Variants in ZBTB37 observed in about 807,000 individuals in gnomAD.
ZBTB37 encodes zinc finger and BTB domain containing 37.
In ZBTB37, 15 loss-of-function variants were observed where a neutral mutation model predicts 37.7. The observed-to-expected ratio is 0.40, with a 90% confidence interval of 0.27 to 0.61. The LOEUF (loss-of-function observed/expected upper bound fraction) is 0.61. Among genes scored for constraint, ZBTB37 ranks in the 20% least tolerant of loss-of-function variants. The pLI, the probability that ZBTB37 is intolerant of heterozygous loss-of-function variation, is 0.44. For synonymous variants in ZBTB37, 231 were observed against 220.6 expected, an observed-to-expected ratio of 1.05 and a Z score of -0.42; for missense variants, 514 against 641.9, an observed-to-expected ratio of 0.80 and a Z score of 2.15.
At chr1:173,898,385 CG>C (rs1256012757) in exon 4 of ZBTB37, 1 of 148,704 alleles carries the variant, frequency 6.7e-6, no homozygotes, top group Non-Finnish European at 1.5e-5. Context: ...CGCTTGAACT[CG>C]GGAGGTGGAA....
chr1:173,870,678 G>A, exon 3 of ZBTB37: 1 of 1,614,186 alleles, frequency 6.2e-7, no homozygotes, highest in Non-Finnish European at 8.5e-7. Context: ...GACCTCCAGA[G>A]TCTCACAGGG....
At chr1:173,884,712 T>A (rs540423632) in intron 4 of ZBTB37, among the ~76,000 whole-genome samples, 1 of 152,372 alleles carries the variant, frequency 6.6e-6, no homozygotes, top group East Asian at 1.9e-4. Flanking sequence ...TTAATGATAA[T>A]GTCACAATTT....
chr1:173,870,234 A>C, exon 3 of ZBTB37: 9 of 1,606,868 alleles, frequency 5.6e-6, no homozygotes, highest in Non-Finnish European at 7.7e-6. Context: ...CCATGGAGAA[A>C]GGTGGGAACA....
At chr1:173,890,614 C>T (rs1656804682), downstream of ZBTB37, 1 of 152,096 alleles carries the variant, frequency 6.6e-6, no homozygotes, top group Non-Finnish European at 1.5e-5. Context: ...AAGCAACAAG[C>T]AATTGTCGGG....
intron 4 of ZBTB37, 184 bp downstream of exon 4, chr1:173,873,750 G>A: frequency 9.5e-7 from 1 of 1,054,194 alleles, no homozygotes; most frequent in Non-Finnish European, 1.3e-6. Context: ...GACATCACCA[G>A]AAAGGAAAAT....
At chr1:173,870,777 C>T (rs780322588) in exon 3 of ZBTB37, 1 of 1,614,222 alleles carries the variant, frequency 6.2e-7, no homozygotes, top group Non-Finnish European at 8.5e-7. Context: ...TGCTGGATAT[C>T]AGAGAGCTAA....
At chr1:173,885,528 A>G (rs1026028465) in intron 4 of ZBTB37, 108 bp from the exon 5 acceptor site, 47 of 960,946 alleles carry the variant, frequency 4.9e-5, no homozygotes, top group South Asian at 1.9e-5. Context: ...ATCCGCCACT[A>G]AAAAGGTACA....
At chr1:173,869,569 C>T (rs1011281792) in intron 2 of ZBTB37, among the ~76,000 whole-genome samples, 2 of 152,300 alleles carry the variant, frequency 1.3e-5, no homozygotes, top group East Asian at 1.9e-4. Context: ...TTCACATTCT[C>T]TGCATCTTGG....
intron 2 of ZBTB37, 53 bp from the exon 3 acceptor site, chr1:173,870,147 C>T: frequency 8.0e-7 from 1 of 1,249,400 alleles, no homozygotes; most frequent in Non-Finnish European, 1.1e-6. Context: ...TGGAAACCAT[C>T]CGGGAAGTAA....
chr1:173,889,169 ATGT>A (rs1417389180), downstream of ZBTB37: 2 of 152,218 alleles, frequency 1.3e-5, no homozygotes, highest in Non-Finnish European at 2.9e-5. Context: ...GTTAAAAGAG[ATGT>A]TGTTATTCTA....
chr1:173,877,121 A>T (rs1308705205), intron 4 of ZBTB37, among the ~76,000 whole-genome samples: 2 of 152,222 alleles, frequency 1.3e-5, no homozygotes, highest in African/African-American at 4.8e-5. Flanking sequence ...TTATAATCGT[A>T]TGGAAGCACG....
At chr1:173,896,942 A>T (rs1293220425) in exon 4 of ZBTB37, 5 of 152,244 alleles carry the variant, frequency 3.3e-5, no homozygotes. Flanking sequence ...TATCTGTTAG[A>T]TAGCAGAAAT....
chr1:173,903,042 T>A (rs1343227489), exon 4 of ZBTB37: 1 of 152,252 alleles, frequency 6.6e-6, no homozygotes, highest in Non-Finnish European at 1.5e-5. Flanking sequence ...TGAGATTTTT[T>A]AAATTAAAAA....
chr1:173,886,214 A>G (rs1656614962), exon 5 of ZBTB37: 1 of 1,458,526 alleles, frequency 6.9e-7, no homozygotes, highest in Non-Finnish European at 9.1e-7. Context: ...GATTCACAAA[A>G]TGCCACATCA....
At chr1:173,879,261 G>A (rs1476274032) in intron 4 of ZBTB37, among the ~76,000 whole-genome samples, 1 of 152,140 alleles carries the variant, frequency 6.6e-6, no homozygotes, top group Non-Finnish European at 1.5e-5. Flanking sequence ...ATCACATCAA[G>A]AAAAATGGTC....
At chr1:173,871,092 T>C (rs2102715548) in exon 3 of ZBTB37, 2 of 1,613,868 alleles carry the variant, frequency 1.2e-6, no homozygotes, top group Non-Finnish European at 8.5e-7. Flanking sequence ...AGGAAAATTA[T>C]ACTTTAGGGT....
At chr1:173,879,187 G>A (rs1406152276) in intron 4 of ZBTB37, among the ~76,000 whole-genome samples, 1 of 151,806 alleles carries the variant, frequency 6.6e-6, no homozygotes, top group African/African-American at 2.4e-5. Context: ...CTCTACTTTA[G>A]GATTAAAGAT....
chr1:173,874,084 C>G (rs184093955), intron 4 of ZBTB37, among the ~76,000 whole-genome samples: 1 of 151,668 alleles, frequency 6.6e-6, no homozygotes, highest in Non-Finnish European at 1.5e-5. Flanking sequence ...GGAGAAAACC[C>G]GTCTCTACTA....
chr1:173,885,646 C>T, exon 5 of ZBTB37: 1 of 1,550,922 alleles, frequency 6.4e-7, no homozygotes, highest in Non-Finnish European at 8.7e-7. Flanking sequence ...GTAGAAGAGT[C>T]AGCAATGATG....
Sources: allele counts gnomAD v4.1 joint callset (sites outside exome capture counted in the v4.1 genomes callset), GRCh38; gene constraint gnomAD v4.1.1; transcripts MANE v1.5; gene names NCBI Gene and HGNC (gene_info 2026-07-23, HGNC 2026-07-21).